The following LRRC20 variants were observed in gnomAD, a reference collection of about 807,000 sequenced individuals.
LRRC20 encodes the protein leucine-rich repeat-containing protein 20.
In LRRC20, 11 loss-of-function variants were observed where a neutral mutation model predicts 14.4. The ratio of observed to expected loss-of-function variants is 0.77; its 90% CI spans 0.48 to 1.27. The LOEUF is 1.27. LRRC20 is among the 50% of genes most tolerant of loss of function. The pLI, the probability that LRRC20 is intolerant of heterozygous loss-of-function variation, is 0.00. For synonymous variants in LRRC20, 121 were observed against 107.3 expected (o/e 1.13, Z -0.79); for missense variants, 219 against 251.2 (o/e 0.87, Z 0.87).
At chr10:70,306,275 A>G (rs1427744769) in intron 4 of LRRC20, among the ~76,000 whole-genome samples, 1 of 152,096 alleles carries the variant, frequency 6.6e-6, no homozygotes, top group Non-Finnish European at 1.5e-5. Context: ...ATTCACATTG[A>G]TAGAATGTGT....
intron 2 of LRRC20, among the ~76,000 whole-genome samples, chr10:70,344,266 TA>T (rs773069520): frequency 2.6e-5 from 4 of 152,052 alleles, no homozygotes; most frequent in Non-Finnish European, 4.4e-5. Flanking sequence ...GCTAATTAAA[TA>T]GAAAGCACAG....
chr10:70,379,616 CT>C (rs1436686824), intron 1 of LRRC20, among the ~76,000 whole-genome samples: 1 of 152,192 alleles, frequency 6.6e-6, no homozygotes, highest in Non-Finnish European at 1.5e-5. Context: ...GAAGAGCTTT[CT>C]GAAGAACAGC....
intron 4 of LRRC20, among the ~76,000 whole-genome samples, chr10:70,321,539 G>A (rs1026080472): frequency 6.6e-6 from 1 of 152,234 alleles, no homozygotes; most frequent in Non-Finnish European, 1.5e-5. Flanking sequence ...TAGCTCGGGG[G>A]CAGGGGAAGA....
intron 2 of LRRC20, among the ~76,000 whole-genome samples, chr10:70,368,683 T>C (rs952988820): frequency 6.6e-6 from 1 of 151,850 alleles, no homozygotes; most frequent in African/African-American, 2.4e-5. Context: ...TGCAGTGGCA[T>C]GATCTCAGCT....
chr10:70,338,509 A>C (rs1489314520), intron 3 of LRRC20, among the ~76,000 whole-genome samples: 2 of 152,244 alleles, frequency 1.3e-5, no homozygotes, highest in African/African-American at 4.8e-5. Flanking sequence ...TGGGGAGACC[A>C]CATTCTGTGG....
At chr10:70,302,821 C>G (rs1472124682) in intron 4 of LRRC20, among the ~76,000 whole-genome samples, 1 of 151,812 alleles carries the variant, frequency 6.6e-6, no homozygotes, top group African/African-American at 2.4e-5. Context: ...CGCCATTCTC[C>G]TGCCTCAGCC....
In LRRC20 at chr10:70,314,832, C is replaced by A. The variant is rs560643070; in HGVS notation, c.400+9031G>T. ...TGCCTACCTGGCCTAGGGAAACCTGCCTCATTACCTTATACTGTTCTTTCT... is the reference window on the plus strand; with the variant it reads ...TGCCTACCTGGCCTAGGGAAACCTGACTCATTACCTTATACTGTTCTTTCT... On this transcript the variant is annotated intron_variant, in intron 4 of 4. Coordinates refer to ENST00000446961, the MANE Select transcript of LRRC20 (RefSeq NM_001278212.2). 1.7e-4 allele frequency among the ~76,000 whole-genome samples: 26 copies of A among 152,232 alleles called. No individual in the cohort carries two copies. In the South Asian group the frequency reaches 5.4e-3, roughly 32 times the overall value.
At chr10:70,367,547 A>G (rs1452327062) in intron 2 of LRRC20, among the ~76,000 whole-genome samples, 1 of 152,164 alleles carries the variant, frequency 6.6e-6, no homozygotes, top group Non-Finnish European at 1.5e-5. Flanking sequence ...GATTCCCACC[A>G]AACATGGATG....
intron 2 of LRRC20, among the ~76,000 whole-genome samples, chr10:70,365,608 T>G (rs1843956239): frequency 6.6e-6 from 1 of 152,180 alleles, no homozygotes; most frequent in African/African-American, 2.4e-5. Context: ...GGAGGATCTC[T>G]TGAGCCCAGG....
chr10:70,380,396 GC>G (rs1207694172), intron 1 of LRRC20, among the ~76,000 whole-genome samples: 1 of 152,210 alleles, frequency 6.6e-6, no homozygotes, highest in East Asian at 1.9e-4. Context: ...ACCTAAAACT[GC>G]CCCTTTCTCC....
intron 4 of LRRC20, among the ~76,000 whole-genome samples, chr10:70,311,608 G>A (rs1350660905): frequency 6.6e-6 from 1 of 152,188 alleles, no homozygotes; most frequent in Non-Finnish European, 1.5e-5. Context: ...GCCTATGACT[G>A]TAGAATGTAG....
In LRRC20 at chr10:70,299,631, T is replaced by A. The variant is rs527464698; in HGVS notation, c.*1723A>T. 1 of 152,352 alleles carries A rather than the reference T, an allele frequency of 6.6e-6. No homozygotes were observed. The highest frequency in any genetic ancestry group is 2.1e-4 in the South Asian group (1 of 4,824). 9.4% of individuals were successfully genotyped at this position (152,352 alleles called of 1,614,324 possible). A position where few individuals can be genotyped will look rare whatever the true frequency, so the allele number is the denominator to read the frequency against. ...TGTGCACATCAGAGAAGGATGCCTC[T>A]TCTTCAACAAGGAGAAACCCCACTC... On this transcript the variant is annotated 3_prime_UTR_variant, in exon 5 of 5. Coordinates refer to ENST00000446961, the MANE Select transcript of LRRC20 (RefSeq NM_001278212.2).
intron 3 of LRRC20, among the ~76,000 whole-genome samples, chr10:70,328,039 A>C (rs1272698979): frequency 6.6e-6 from 1 of 152,154 alleles, no homozygotes; most frequent in Non-Finnish European, 1.5e-5. Flanking sequence ...ACCAGGAAGG[A>C]CCTGGTTATG....
At chr10:70,331,913 G>C (rs1266093110) in intron 3 of LRRC20, among the ~76,000 whole-genome samples, 2 of 152,156 alleles carry the variant, frequency 1.3e-5, no homozygotes, top group African/African-American at 4.8e-5. Context: ...AATTGCCAAG[G>C]CTGACTCAGA....
chr10:70,349,117 A>G (rs1474330145), intron 2 of LRRC20, among the ~76,000 whole-genome samples: 1 of 150,524 alleles, frequency 6.6e-6, no homozygotes. Flanking sequence ...CTCATTCTCT[A>G]TGGGTCCTCA....
intron 2 of LRRC20, among the ~76,000 whole-genome samples, chr10:70,346,323 G>A (rs118001647): frequency 0.058 from 8,793 of 152,142 alleles, 293 homozygotes; most frequent in South Asian, 0.12. Flanking sequence ...GGATGAGGTG[G>A]GAGGATCACT....
At chr10:70,379,127 A>T (rs981442963) in intron 1 of LRRC20, among the ~76,000 whole-genome samples, 1 of 152,208 alleles carries the variant, frequency 6.6e-6, no homozygotes. Context: ...AATACAGGTC[A>T]AGAGACTCTT....
In LRRC20 at chr10:70,361,136, T is replaced by C. The variant is rs192720290; in HGVS notation, c.82+15316A>G. Among the ~76,000 whole-genome samples the C allele has an allele frequency of 2.0e-3, 306 of 151,886 alleles. 2 individuals are homozygous for C. The highest frequency in any genetic ancestry group is 7.0e-3 in the African/African-American group (289 of 41,372). Reference sequence around the variant, plus strand: ...TTCAAGTTCAAATCTCAGCACAAGATTTTAAGATTTGCTGGCTGTGAGCGT... The same window carrying C: ...TTCAAGTTCAAATCTCAGCACAAGACTTTAAGATTTGCTGGCTGTGAGCGT... On this transcript the variant is annotated intron_variant, in intron 2 of 4. Transcript: ENST00000446961.
intron 2 of LRRC20, among the ~76,000 whole-genome samples, chr10:70,358,877 C>T (rs902490444): frequency 3.3e-5 from 5 of 152,180 alleles, no homozygotes; most frequent in Non-Finnish European, 7.3e-5. Flanking sequence ...CTCTGCGGAC[C>T]ACCCCTCGCA....
Sources: allele counts gnomAD v4.1 joint callset (sites outside exome capture counted in the v4.1 genomes callset), GRCh38; gene constraint gnomAD v4.1.1; transcripts MANE v1.5; gene names NCBI Gene and HGNC (gene_info 2026-07-23, HGNC 2026-07-21).